The following AFG1L variants were observed in gnomAD, a reference collection of about 807,000 sequenced individuals.
AFG1L encodes AFG1-like ATPase.
In AFG1L, 53 loss-of-function variants were observed where a neutral mutation model predicts 62.2. The observed-to-expected ratio is 0.85, with a 90% CI of 0.68 to 1.07. The LOEUF (loss-of-function observed/expected upper bound fraction) is 1.07, where lower values mean the gene tolerates loss of function less well. AFG1L is among the 50% of genes least tolerant of loss of function. AFG1L has a pLI of 0.00. For missense variants in AFG1L, 555 were observed against 590.5 expected (o/e 0.94, Z 0.62); for synonymous variants, 228 against 210.3 (o/e 1.08, Z -0.73).
In AFG1L at chr6:108,522,306, G is replaced by C; in HGVS notation, c.1327G>C (p.Glu443Gln). The part of the protein sequence containing the change: ...DDLGLSQDSA[E>Q]GLSMFTGEEE... ...TTTGTTTTATAACCAGGATTCAGCA[G>C]AAGGACTCTCCATGTTTACCGGAGA... Residue 443 changes from glutamate (E) to glutamine (Q), a missense_variant, in exon 13 of 13, where the codon GAA becomes CAA. Transcript: ENST00000368977. The C allele has an allele frequency of 1.2e-6, 2 of 1,613,336 alleles. 1 individual carries two copies. The highest frequency in any genetic ancestry group is 2.2e-5 in the South Asian group (2 of 91,048).
At chr6:108,325,263 G>A (rs538999396) in intron 2 of AFG1L, among the ~76,000 whole-genome samples, 1 of 152,152 alleles carries the variant, frequency 6.6e-6, no homozygotes, top group African/African-American at 2.4e-5. Flanking sequence ...ATCCAGCTGG[G>A]GAGAGCGATG....
chr6:108,348,908 C>CTT (rs148199584), intron 3 of AFG1L, among the ~76,000 whole-genome samples: 1 of 151,682 alleles, frequency 6.6e-6, no homozygotes, highest in African/African-American at 2.4e-5. Context: ...TGTAAAAGCA[C>CTT]TTTTTTTTTA....
At chr6:108,365,493 T>G (rs1779720826) in intron 5 of AFG1L, among the ~76,000 whole-genome samples, 1 of 25,614 alleles carries the variant, frequency 3.9e-5, no homozygotes, top group Non-Finnish European at 6.9e-5. Flanking sequence ...GTTTTTTTTG[T>G]TTTTTTTTTT....
chr6:108,314,392 T>G (rs59675917), intron 1 of AFG1L, among the ~76,000 whole-genome samples: 6,857 of 151,694 alleles, frequency 0.045, 228 homozygotes, highest in Middle Eastern at 0.11. Flanking sequence ...ACCTTCTGCT[T>G]CTTCTTTTTT....
chr6:108,307,530 T>C (rs1777250487), intron 1 of AFG1L, among the ~76,000 whole-genome samples: 1 of 151,610 alleles, frequency 6.6e-6, no homozygotes, highest in Non-Finnish European at 1.5e-5. Context: ...CCCAGCTCAG[T>C]CTCCTGAGTA....
At chr6:108,407,609 C>A (rs145911429) in intron 7 of AFG1L, among the ~76,000 whole-genome samples, 2 of 151,900 alleles carry the variant, frequency 1.3e-5, no homozygotes, top group Non-Finnish European at 2.9e-5. Context: ...CACACAAGGC[C>A]AGGAGGTAGA....
rs1779271971 is a variant in AFG1L at position 108,355,960 on chromosome 6, C to G, written c.517+205C>G. ...TAAGACCAATTTAATACTTTCAAATCAGAGAACAGAGATTGCTGTATGAAG... is the reference window on the plus strand; with the variant it reads ...TAAGACCAATTTAATACTTTCAAATGAGAGAACAGAGATTGCTGTATGAAG... On this transcript the variant is annotated intron_variant, in intron 4 of 12. Transcript: ENST00000368977. Among the ~76,000 whole-genome samples, 4 of 152,242 alleles carry G rather than the reference C, an allele frequency of 2.6e-5. No homozygotes were observed. In the South Asian group the frequency reaches 8.3e-4, roughly 32 times the overall value.
intron 6 of AFG1L, among the ~76,000 whole-genome samples, chr6:108,377,141 T>C (rs999136529): frequency 6.6e-6 from 1 of 152,170 alleles, no homozygotes; most frequent in Non-Finnish European, 1.5e-5. Context: ...TGGGTGTCAT[T>C]ACATGTGAGA....
At chr6:108,514,951 T>C (rs1774817777) in intron 11 of AFG1L, among the ~76,000 whole-genome samples, 1 of 152,202 alleles carries the variant, frequency 6.6e-6, no homozygotes, top group African/African-American at 2.4e-5. Context: ...GAGCTAACTC[T>C]TCTAAATATA....
At chr6:108,416,560 G>A (rs1208201436) in intron 7 of AFG1L, among the ~76,000 whole-genome samples, 2 of 152,206 alleles carry the variant, frequency 1.3e-5, no homozygotes, top group African/African-American at 4.8e-5. Context: ...TTAAGAAAAT[G>A]TGGCACATAT....
intron 10 of AFG1L, among the ~76,000 whole-genome samples, chr6:108,483,841 A>G (rs1478977559): frequency 3.3e-5 from 5 of 152,082 alleles, no homozygotes; most frequent in African/African-American, 1.2e-4. Flanking sequence ...ATTGGCCTCC[A>G]TTTTTCTATT....
chr6:108,390,807 G>C (rs1307303797), intron 6 of AFG1L, among the ~76,000 whole-genome samples: 1 of 152,184 alleles, frequency 6.6e-6, no homozygotes, highest in East Asian at 1.9e-4. Flanking sequence ...GGCTGCTCCT[G>C]GGTCAGGGAC....
Position 108,470,101 on chromosome 6 carries a change from C to T in AFG1L, c.891-6764C>T, listed in dbSNP as rs368240511. Among the ~76,000 whole-genome samples the T allele has an allele frequency of 7.9e-5, 12 of 152,346 alleles. 1 individual carries two copies. Among genetic ancestry groups the T allele is most frequent in the Admixed American group, 5.9e-4 (9 of 15,308 alleles). On this transcript the variant is annotated intron_variant, in intron 8 of 12. Transcript: ENST00000368977. ...CATTTTGGCTCTGTATTCCACCTCT[C>T]ACCTTCTGATTTCCCATCAATTAAG... is the stretch of plus-strand genomic sequence containing the variant.
intron 10 of AFG1L, among the ~76,000 whole-genome samples, chr6:108,500,173 T>C (rs923445885): frequency 8.4e-6 from 1 of 119,566 alleles, no homozygotes; most frequent in Non-Finnish European, 2.0e-5. Flanking sequence ...GGTGCGTGCG[T>C]GTGTGTGTGT....
chr6:108,383,190 G>A (rs1175049905), intron 6 of AFG1L, among the ~76,000 whole-genome samples: 11 of 152,086 alleles, frequency 7.2e-5, no homozygotes, highest in Non-Finnish European at 1.0e-4. Flanking sequence ...CTGAGATCAG[G>A]CCACTACACT....
At chr6:108,300,893 C>T (rs568153113) in intron 1 of AFG1L, among the ~76,000 whole-genome samples, 7 of 152,144 alleles carry the variant, frequency 4.6e-5, no homozygotes, top group South Asian at 4.1e-4. Context: ...AGGATGGTCT[C>T]GATCTCCTGA....
intron 10 of AFG1L, among the ~76,000 whole-genome samples, chr6:108,487,382 C>A (rs1468783540): frequency 6.6e-5 from 10 of 152,076 alleles, no homozygotes; most frequent in South Asian, 6.2e-4. Context: ...ACTACCCCCA[C>A]CAAAAAAAGA....
intron 8 of AFG1L, among the ~76,000 whole-genome samples, chr6:108,469,397 A>G (rs1772798829): frequency 6.6e-6 from 1 of 152,132 alleles, no homozygotes; most frequent in East Asian, 1.9e-4. Flanking sequence ...ATTTTAATGT[A>G]GGCTTTCAGT....
intron 6 of AFG1L, among the ~76,000 whole-genome samples, chr6:108,399,769 CTTTT>C (rs757924406): frequency 1.2e-4 from 5 of 42,658 alleles, no homozygotes; most frequent in Non-Finnish European, 2.2e-4. Context: ...AAGTATCTCT[CTTTT>C]TTTTTTTTTT....
Sources: allele counts gnomAD v4.1 joint callset (sites outside exome capture counted in the v4.1 genomes callset), GRCh38; gene constraint gnomAD v4.1.1; transcripts MANE v1.5; gene names NCBI Gene and HGNC (gene_info 2026-07-23, HGNC 2026-07-21).